Variants in AGBL1 observed in about 807,000 individuals in gnomAD.
AGBL1 encodes cytosolic carboxypeptidase 4.
AGBL1 carries 130 observed loss-of-function variants against 118.9 expected under a neutral mutation model. The observed-to-expected ratio is 1.09, with a 90% CI of 0.95 to 1.26. The LOEUF (loss-of-function observed/expected upper bound fraction) is 1.26. Among genes scored for constraint, AGBL1 ranks in the 50% most tolerant of loss-of-function variants. The pLI is 0.00. For synonymous variants in AGBL1, 555 were observed against 478.9 expected, an observed-to-expected ratio of 1.16 and a Z score of -2.08; for missense variants, 1,584 against 1,298.1, an observed-to-expected ratio of 1.22 and a Z score of -3.38.
chr15:86,788,526 C>G (rs2078446835), intron 22 of AGBL1, among the ~76,000 whole-genome samples: 1 of 152,116 alleles, frequency 6.6e-6, no homozygotes, highest in African/African-American at 2.4e-5. Context: ...TATAGAACAT[C>G]TACTATGGGG....
chr15:86,373,728 G>A (rs2080999844), intron 17 of AGBL1, among the ~76,000 whole-genome samples: 1 of 152,200 alleles, frequency 6.6e-6, no homozygotes. Flanking sequence ...CAGCATGCTG[G>A]AAAGACCAGG....
At chr15:86,831,726 A>C (rs1596530586) in intron 22 of AGBL1, among the ~76,000 whole-genome samples, 2 of 152,190 alleles carry the variant, frequency 1.3e-5, no homozygotes, top group African/African-American at 4.8e-5. Flanking sequence ...TTCCAGGCAC[A>C]TGGTACAAGC....
At chr15:86,465,601 G>T (rs1233895899) in intron 18 of AGBL1, among the ~76,000 whole-genome samples, 2 of 152,154 alleles carry the variant, frequency 1.3e-5, no homozygotes, top group Non-Finnish European at 2.9e-5. Context: ...CCAGTAGGAG[G>T]TCTCTAAACT....
At chr15:86,398,096 TG>T (rs1392795041) in intron 18 of AGBL1, among the ~76,000 whole-genome samples, 1 of 152,210 alleles carries the variant, frequency 6.6e-6, no homozygotes, top group Non-Finnish European at 1.5e-5. Context: ...GCTATAAGAA[TG>T]GTGTCCCTCT....
At chr15:86,737,329 C>T (rs1390223222) in intron 22 of AGBL1, among the ~76,000 whole-genome samples, 3 of 152,036 alleles carry the variant, frequency 2.0e-5, no homozygotes, top group Non-Finnish European at 2.9e-5. Flanking sequence ...AATTTCCAGG[C>T]AAAGGTGATA....
chr15:86,088,839 T>G (rs1416675006), intron 1 of AGBL1, among the ~76,000 whole-genome samples: 1 of 152,206 alleles, frequency 6.6e-6, no homozygotes, highest in Non-Finnish European at 1.5e-5. Context: ...CGGGTCACTG[T>G]ATGCCCCACC....
chr15:86,308,342 A>G (rs1268212497), intron 17 of AGBL1, among the ~76,000 whole-genome samples: 1 of 150,278 alleles, frequency 6.7e-6, no homozygotes, highest in African/African-American at 2.5e-5. Context: ...TCTTATAAGA[A>G]GAGACACAAG....
chr15:86,921,731 CT>C (rs1282969671), intron 23 of AGBL1, among the ~76,000 whole-genome samples: 7 of 152,294 alleles, frequency 4.6e-5, no homozygotes, highest in African/African-American at 1.7e-4. Context: ...ATCAGACTGT[CT>C]GTGGCCAAGG....
intron 23 of AGBL1, among the ~76,000 whole-genome samples, chr15:86,986,182 C>T (rs1186953564): frequency 6.6e-6 from 1 of 152,140 alleles, no homozygotes; most frequent in Non-Finnish European, 1.5e-5. Context: ...CCTCGGCCTC[C>T]CAAAGTGCTA....
intron 17 of AGBL1, among the ~76,000 whole-genome samples, chr15:86,303,299 C>T (rs199513814): frequency 6.6e-6 from 1 of 152,000 alleles, no homozygotes; most frequent in African/African-American, 2.4e-5. Flanking sequence ...AGTTGTTGGT[C>T]AACTAAGTGG....
chr15:86,542,742 A>G (rs2083522314), intron 19 of AGBL1, among the ~76,000 whole-genome samples: 1 of 152,162 alleles, frequency 6.6e-6, no homozygotes, highest in African/African-American at 2.4e-5. Context: ...CTTAACCACC[A>G]AAGACAGGAG....
intron 22 of AGBL1, among the ~76,000 whole-genome samples, chr15:86,677,963 C>A (rs1474630897): frequency 6.6e-6 from 1 of 152,052 alleles, no homozygotes; most frequent in Non-Finnish European, 1.5e-5. Context: ...GGCGAAATAT[C>A]CTAAATTATT....
intron 23 of AGBL1, among the ~76,000 whole-genome samples, chr15:86,955,360 A>G (rs931934933): frequency 7.2e-5 from 11 of 152,104 alleles, no homozygotes; most frequent in African/African-American, 2.4e-4. Context: ...ACAAAATAGT[A>G]CTTGAAGGAA....
chr15:86,853,528 A>G (rs1478530734), intron 22 of AGBL1, among the ~76,000 whole-genome samples: 1 of 152,332 alleles, frequency 6.6e-6, no homozygotes, highest in East Asian at 1.9e-4. Context: ...AATGTTGCCC[A>G]GGGCAGAAGA....
chr15:87,009,167 T>C (rs1481859866), intron 24 of AGBL1, among the ~76,000 whole-genome samples: 1 of 151,916 alleles, frequency 6.6e-6, no homozygotes, highest in South Asian at 2.1e-4. Flanking sequence ...AGAGGTAGTT[T>C]AGGAGGAAAA....
chr15:86,484,086 C>T (rs2082685193), intron 18 of AGBL1, among the ~76,000 whole-genome samples: 1 of 152,142 alleles, frequency 6.6e-6, no homozygotes, highest in Non-Finnish European at 1.5e-5. Flanking sequence ...AAGAGCCATT[C>T]TTTTTCATCT....
At chr15:86,170,762 C>T (rs1231273555) in intron 5 of AGBL1, among the ~76,000 whole-genome samples, 1 of 152,036 alleles carries the variant, frequency 6.6e-6, no homozygotes, top group Non-Finnish European at 1.5e-5. Flanking sequence ...AGGAGAATTG[C>T]TTGAACCAGG....
intron 24 of AGBL1, among the ~76,000 whole-genome samples, chr15:87,010,865 T>C (rs2081552431): frequency 6.6e-6 from 1 of 152,192 alleles, no homozygotes; most frequent in Admixed American, 6.5e-5. Flanking sequence ...TACCTATCTA[T>C]CTGTTCATCT....
intron 21 of AGBL1, among the ~76,000 whole-genome samples, chr15:86,576,556 T>G (rs2142322288): frequency 6.6e-6 from 1 of 152,314 alleles, no homozygotes; most frequent in African/African-American, 2.4e-5. Context: ...ACAGTCTCTT[T>G]ACACATCCAG....
Sources: gnomAD v4.1 joint callset for allele counts (sites outside exome capture counted in the v4.1 genomes callset) on GRCh38, gnomAD v4.1.1 for gene constraint, MANE v1.5 for transcripts, NCBI Gene and HGNC (gene_info 2026-07-23, HGNC 2026-07-21) for gene names.